RGS6: variants seen among roughly 807,000 people sequenced by gnomAD.
RGS6 encodes the protein regulator of G protein signaling 6.
Under a neutral mutation model 78.5 loss-of-function variants are expected in RGS6, and 30 were observed. The observed-to-expected ratio is 0.38, with a 90% CI of 0.29 to 0.52. The LOEUF is 0.52. RGS6 is among the 20% of genes least tolerant of loss of function. The pLI is 0.85. For synonymous variants in RGS6, 206 were observed against 206.0 expected (o/e 1.00, Z 0.00); for missense variants, 495 against 609.7 (o/e 0.81, Z 1.98).
chr14:71,953,235 C>T (rs752272426), intron 1 of RGS6, among the ~76,000 whole-genome samples: 11 of 152,110 alleles, frequency 7.2e-5, no homozygotes, highest in South Asian at 2.1e-4. Flanking sequence ...GTGCCATCCT[C>T]TGAAAACCAA....
chr14:72,477,233 A>G (rs1385864906), intron 11 of RGS6: 2 of 166,666 alleles, frequency 1.2e-5, no homozygotes, highest in Non-Finnish European at 2.6e-5. Flanking sequence ...AAAGTTTAAG[A>G]ATAAATAAAG....
At chr14:72,529,882 A>T (rs1429090606) in intron 15 of RGS6, among the ~76,000 whole-genome samples, 1 of 152,180 alleles carries the variant, frequency 6.6e-6, no homozygotes, top group Non-Finnish European at 1.5e-5. Flanking sequence ...GCCTAGTTGG[A>T]TCTAAGCTTT....
chr14:72,005,636 A>T (rs954960481), intron 2 of RGS6, among the ~76,000 whole-genome samples: 12 of 152,158 alleles, frequency 7.9e-5, no homozygotes, highest in Admixed American at 3.9e-4. Flanking sequence ...GAAATGTTTT[A>T]AAAAAGCTTT....
At chr14:71,979,327 G>A (rs559885591) in intron 2 of RGS6, among the ~76,000 whole-genome samples, 1 of 145,592 alleles carries the variant, frequency 6.9e-6, no homozygotes, top group East Asian at 2.1e-4. Context: ...GTTTGCTCTT[G>A]CTTTTCTAGT....
chr14:72,163,219 AAAAAT>A (rs1370602824), intron 2 of RGS6, among the ~76,000 whole-genome samples: 15 of 152,326 alleles, frequency 9.8e-5, no homozygotes, highest in African/African-American at 2.4e-4. Flanking sequence ...AAAAAATAAT[AAAAAT>A]AAAATAAAAT....
intron 2 of RGS6, among the ~76,000 whole-genome samples, chr14:72,057,094 A>G (rs570601036): frequency 3.3e-5 from 5 of 152,220 alleles, no homozygotes. Context: ...CAGGCGGATC[A>G]CTTGAGGTCA....
At chr14:72,551,028 C>T (rs1032184684) in intron 17 of RGS6, among the ~76,000 whole-genome samples, 2 of 152,098 alleles carry the variant, frequency 1.3e-5, no homozygotes, top group African/African-American at 4.8e-5. Context: ...TTAGTAGAGA[C>T]GGAGTTTCAC....
At chr14:72,547,072 G>T in intron 17 of RGS6, 1 of 1,099,200 alleles carries the variant, frequency 9.1e-7, no homozygotes, top group South Asian at 1.4e-5. Flanking sequence ...AGAAGGCAGA[G>T]AGTGAAGGGG....
At chr14:72,445,807 G>A (rs988693537) in intron 3 of RGS6, among the ~76,000 whole-genome samples, 3 of 152,170 alleles carry the variant, frequency 2.0e-5, no homozygotes, top group Non-Finnish European at 2.9e-5. Flanking sequence ...GGGCATTATG[G>A]GTTGAATTAT....
intron 15 of RGS6, among the ~76,000 whole-genome samples, chr14:72,531,562 G>T (rs576580372): frequency 1.4e-4 from 21 of 151,966 alleles, no homozygotes; most frequent in South Asian, 1.0e-3. Flanking sequence ...GGAAGAATAA[G>T]TCCCAAAACA....
chr14:72,229,766 A>T (rs1222104360), intron 2 of RGS6, among the ~76,000 whole-genome samples: 1 of 152,224 alleles, frequency 6.6e-6, no homozygotes, highest in Non-Finnish European at 1.5e-5. Context: ...CTCAAACAAT[A>T]TGATCAAGAT....
intron 12 of RGS6, among the ~76,000 whole-genome samples, chr14:72,481,880 C>T (rs1374632652): frequency 2.0e-5 from 3 of 147,150 alleles, no homozygotes; most frequent in Non-Finnish European, 3.0e-5. Context: ...GCAATCTCGG[C>T]TCACTGCAAG....
chr14:72,272,278 T>A (rs549097336), intron 2 of RGS6, among the ~76,000 whole-genome samples: 1 of 152,222 alleles, frequency 6.6e-6, no homozygotes, highest in African/African-American at 2.4e-5. Flanking sequence ...CCATACTCAA[T>A]GCAATTGAGG....
chr14:72,016,028 C>G (rs1301629648), intron 2 of RGS6, among the ~76,000 whole-genome samples: 1 of 152,160 alleles, frequency 6.6e-6, no homozygotes, highest in Non-Finnish European at 1.5e-5. Flanking sequence ...TATGATGTCT[C>G]TAATTAAACA....
intron 2 of RGS6, among the ~76,000 whole-genome samples, chr14:72,218,890 G>A (rs540514741): frequency 3.3e-5 from 5 of 152,104 alleles, no homozygotes; most frequent in South Asian, 2.1e-4. Flanking sequence ...GATTACAAGC[G>A]TGAGCCACTA....
chr14:72,308,494 C>T (rs1369435835), intron 2 of RGS6, among the ~76,000 whole-genome samples: 2 of 152,172 alleles, frequency 1.3e-5, no homozygotes, highest in Non-Finnish European at 1.5e-5. Context: ...CACTAAAAAT[C>T]GGTATGCTCA....
chr14:71,978,129 C>T (rs1435499663), intron 2 of RGS6, among the ~76,000 whole-genome samples: 5 of 143,566 alleles, frequency 3.5e-5, no homozygotes, highest in Non-Finnish European at 7.7e-5. Context: ...TGAGACTTTG[C>T]TGAAGTTGCT....
intron 3 of RGS6, among the ~76,000 whole-genome samples, chr14:72,355,198 C>CTTTTT (rs374468114): frequency 7.0e-6 from 1 of 142,742 alleles, no homozygotes. Flanking sequence ...TCCTCTGGTT[C>CTTTTT]TTTTTTTTTT....
At chr14:72,270,221 G>T (rs920746877) in intron 2 of RGS6, among the ~76,000 whole-genome samples, 9 of 151,934 alleles carry the variant, frequency 5.9e-5, no homozygotes, top group African/African-American at 2.2e-4. Context: ...CAAGATTTCA[G>T]CCATGTACAA....
Sources: allele counts gnomAD v4.1 joint callset (sites outside exome capture counted in the v4.1 genomes callset), GRCh38; gene constraint gnomAD v4.1.1; transcripts MANE v1.5; gene names NCBI Gene and HGNC (gene_info 2026-07-23, HGNC 2026-07-21).